NPR2: variants seen among roughly 807,000 people sequenced by gnomAD.
The protein encoded by NPR2 is atrial natriuretic peptide receptor 2.
NPR2 carries 49 observed loss-of-function variants against 120.7 expected under a neutral mutation model. The ratio of observed to expected loss-of-function variants is 0.41; its 90% CI spans 0.32 to 0.52. The LOEUF is 0.52. NPR2 is among the 20% of genes least tolerant of loss of function. NPR2 has a pLI of 0.36. For synonymous variants in NPR2, 484 were observed against 519.8 expected, an observed-to-expected ratio of 0.93 and a Z score of 0.94; for missense variants, 931 against 1,362.9, an observed-to-expected ratio of 0.68 and a Z score of 4.99.
intron 12 of NPR2, among the ~76,000 whole-genome samples, chr9:35,803,451 A>T (rs993292289): frequency 9.9e-5 from 15 of 152,152 alleles, no homozygotes; most frequent in African/African-American, 3.6e-4. Context: ...TACTCTCCGA[A>T]CATATTTATC....
chr9:35,800,965 A>C lies in NPR2; in HGVS notation c.1352-105A>C. The C allele has an allele frequency of 6.5e-7, 1 of 1,535,382 alleles. No individual in the cohort carries two copies. Among genetic ancestry groups the C allele is most frequent in the Non-Finnish European group, 9.0e-7 (1 of 1,108,854 alleles). On this transcript the variant is annotated intron_variant, in intron 6 of 21. Transcript: ENST00000342694. This position sits in a 1 kb window ranked among gnomAD's most constrained non-coding sequence, Gnocchi z 4.7. ...TTTACGTCTGCATCCCTCCCTCCTC[A>C]TTTCTTCCTACTCCCAAGGAGTCTG...
intron 1 of NPR2, 53 bp from the exon 2 acceptor site, chr9:35,793,845 G>A: frequency 1.9e-6 from 3 of 1,564,988 alleles, no homozygotes; most frequent in Non-Finnish European, 2.6e-6. Flanking sequence ...GGGGCTGTGT[G>A]GGGGACCTGG....
chr9:35,799,965 G>C (rs1828082408), intron 3 of NPR2, 57 bp from the exon 4 acceptor site: 2 of 1,608,878 alleles, frequency 1.2e-6, no homozygotes, highest in Non-Finnish European at 1.7e-6. Context: ...ACCCCAGAGA[G>C]AGGGGAAGGG....
Position 35,808,716 on chromosome 9 carries a change from C to T in NPR2, c.2887+33C>T. On this transcript the variant is annotated intron_variant, in intron 19 of 21. Coordinates refer to ENST00000342694, the MANE Select transcript of NPR2 (RefSeq NM_003995.4). This position sits in a 1 kb window ranked among gnomAD's most constrained non-coding sequence, Gnocchi z 4.0. ...TGACTCTCACTCCAGCCCTAGTCTC[C>T]ACCTTTCCCAGACTCTCCCAACCTG... The T allele has an allele frequency of 6.2e-7, 1 of 1,612,586 alleles. No individual in the cohort carries two copies. Among genetic ancestry groups the T allele is most frequent in the South Asian group, 1.1e-5 (1 of 91,056 alleles).
chr9:35,809,634 G>C lies in NPR2; in HGVS notation c.*189G>C. The C allele has an allele frequency of 8.8e-7, 1 of 1,130,626 alleles. No homozygotes were observed. 70.0% of individuals were successfully genotyped at this position (1,130,626 alleles called of 1,614,324 possible). A position where few individuals can be genotyped will look rare whatever the true frequency, so the allele number is the denominator to read the frequency against. On this transcript the variant is annotated 3_prime_UTR_variant, in exon 22 of 22. Coordinates refer to ENST00000342694, the MANE Select transcript of NPR2 (RefSeq NM_003995.4). The surrounding 1 kb of genome is among the most constrained non-coding windows in gnomAD (Gnocchi z 4.1). Reference sequence around the variant, plus strand: ...CTGTACATATACCTGTCCCTCTCTGGCTTGGTCCCCTTCCTCCCTACTTTC... The same window carrying C: ...CTGTACATATACCTGTCCCTCTCTGCCTTGGTCCCCTTCCTCCCTACTTTC...
In NPR2 at chr9:35,809,084, G is replaced by A; in HGVS notation, c.2987-72G>A. The A allele has an allele frequency of 7.2e-7, 1 of 1,383,974 alleles. No homozygotes were observed. The highest frequency in any genetic ancestry group is 1.0e-6 in the Non-Finnish European group (1 of 972,118). The allele number at this position is 1,383,974 out of a possible 1,614,324, so 85.7% of individuals were successfully genotyped here. ...GGTTGGTCGGGCACGGTGCTATACA[G>A]TATCACCAATTATTTGATTGCCTTT... On this transcript the variant is annotated intron_variant, in intron 20 of 21. Coordinates refer to ENST00000342694, the MANE Select transcript of NPR2 (RefSeq NM_003995.4). This position sits in a 1 kb window ranked among gnomAD's most constrained non-coding sequence, Gnocchi z 4.1.
In NPR2 at chr9:35,802,232, G is replaced by A. The variant is rs1312778625; in HGVS notation, c.1659G>A (p.Val553=). ...GAAATGTTGTCGCCATCAAACATGT[G>A]AATAAGAAGCGCATTGAGCTGACCC... ...FKGNVVAIKH[V]NKKRIELTRQ... The change falls in exon 10 of 22, where the codon GTG becomes GTA. Residue 553 remains valine, a synonymous_variant. Transcript: ENST00000342694. The surrounding 1 kb of genome is among the most constrained non-coding windows in gnomAD (Gnocchi z 4.2). The A allele has an allele frequency of 9.9e-6, 16 of 1,609,172 alleles. No individual in the cohort carries two copies. Among genetic ancestry groups the A allele is most frequent in the Non-Finnish European group, 1.4e-5 (16 of 1,175,770 alleles).
Position 35,806,287 on chromosome 9 carries a change from C to T in NPR2, c.2372+54C>T, listed in dbSNP as rs1828379839. On this transcript the variant is annotated intron_variant, in intron 15 of 21. Transcript: ENST00000342694. This position sits in a 1 kb window ranked among gnomAD's most constrained non-coding sequence, Gnocchi z 4.6. ...CCCAGGGATAGAAGACTCATTAGTC[C>T]TAGTGCATGAAGTGGGGCAGGTGGG... 8.7e-6 allele frequency: 14 copies of T among 1,611,450 alleles called. No individual in the cohort carries two copies. Among genetic ancestry groups the T allele is most frequent in the Middle Eastern group, 1.7e-4 (1 of 6,060 alleles).
rs1828220464 is a variant in NPR2, at chr9:35,802,680, G to T, written c.1816-52G>T. 3 of 1,489,088 alleles carry T rather than the reference G, an allele frequency of 2.0e-6. No individual in the cohort carries two copies. The Admixed American group carries it at 5.0e-5, about 25-fold the overall frequency. The allele number at this position is 1,489,088 out of a possible 1,614,324, so 92.2% of individuals were successfully genotyped here. On this transcript the variant is annotated intron_variant, in intron 11 of 21. Transcript: ENST00000342694. The surrounding 1 kb of genome is among the most constrained non-coding windows in gnomAD (Gnocchi z 4.2). ...CCAAAGTTATACTGACTCTATGCTG[G>T]GTGATAGCTGGTGGGACCAGGACAG...
Position 35,792,987 on chromosome 9 carries a change from C to G in NPR2, c.579C>G (p.Gly193=). 6.2e-7 allele frequency: 1 copy of G among 1,613,644 alleles called. No individual in the cohort carries two copies. The highest frequency in any genetic ancestry group is 1.1e-5 in the South Asian group (1 of 91,084). The change falls in exon 1 of 22, where the codon GGC becomes GGG. Residue 193 remains glycine (G), a synonymous_variant. Coordinates refer to ENST00000342694, the MANE Select transcript of NPR2 (RefSeq NM_003995.4). ...AGGGCGTCTTTGAGGCCCTGCAGGG[C>G]AGCAACCTCAGTGTGCAGCACCAGG... is the stretch of plus-strand genomic sequence containing the variant. The part of the protein sequence containing the change: ...TIEGVFEALQ[G]SNLSVQHQVY...
Position 35,800,653 on chromosome 9 carries a change from T to TG in NPR2, c.1219-52dup, listed in dbSNP as rs1828115457. 1 of 1,613,548 alleles carries TG rather than the reference T, an allele frequency of 6.2e-7. No homozygotes were observed. Among genetic ancestry groups the TG allele is most frequent in the African/African-American group, 1.3e-5 (1 of 74,894 alleles). ...GAAAAGCAGCGAAACAGCTGGGGTC[T>TG]GGGGAGGAGGCTGGTGGGAGCAGGC... On this transcript the variant is annotated intron_variant, in intron 5 of 21. Transcript: ENST00000342694. The surrounding 1 kb of genome is among the most constrained non-coding windows in gnomAD (Gnocchi z 4.7).
At position 35,806,614 on chromosome 9, in the gene NPR2, G is replaced by A. The variant is rs982093302; in HGVS notation, c.2519+76G>A. 1.4e-5 allele frequency: 21 copies of A among 1,539,066 alleles called. No homozygotes were observed. The South Asian group carries it at 2.1e-4, about 16-fold the overall frequency. ...GGGCTCTGCCTCATCAGGCACCTGAGAACTCGCCTCCCCACCCTCAGAACC... is the reference window on the plus strand; with the variant it reads ...GGGCTCTGCCTCATCAGGCACCTGAAAACTCGCCTCCCCACCCTCAGAACC... On this transcript the variant is annotated intron_variant, in intron 16 of 21. Transcript: ENST00000342694. This position sits in a 1 kb window ranked among gnomAD's most constrained non-coding sequence, Gnocchi z 4.6.
At chr9:35,793,234 A>T (rs1827843535) in intron 1 of NPR2, among the ~76,000 whole-genome samples, 159 bp downstream of exon 1, 1 of 152,202 alleles carries the variant, frequency 6.6e-6, no homozygotes, top group Non-Finnish European at 1.5e-5. Flanking sequence ...TGAGAGGGCC[A>T]AGGCTTCATC....
Position 35,802,688 on chromosome 9 carries a change from C to A in NPR2, c.1816-44C>A, listed in dbSNP as rs758581122. ...ATACTGACTCTATGCTGGGTGATAG[C>A]TGGTGGGACCAGGACAGACAGTCTA... On this transcript the variant is annotated intron_variant, in intron 11 of 21. Transcript: ENST00000342694. The surrounding 1 kb of genome is among the most constrained non-coding windows in gnomAD (Gnocchi z 4.2). The A allele has an allele frequency of 1.5e-5, 22 of 1,515,230 alleles. No individual in the cohort carries two copies. The East Asian group carries it at 4.7e-4, about 33-fold the overall frequency. 93.9% of individuals were successfully genotyped at this position (1,515,230 alleles called of 1,614,324 possible).
At chr9:35,807,471 C>A (rs1828463351) in intron 18 of NPR2, 73 bp downstream of exon 18, 1 of 1,177,536 alleles carries the variant, frequency 8.5e-7, no homozygotes, top group South Asian at 1.2e-5. Flanking sequence ...TCTCCCTGAA[C>A]CCCACACACC....
At position 35,805,985 on chromosome 9, in the gene NPR2, G is replaced by A; in HGVS notation, c.2203G>A (p.Glu735Lys). The A allele has an allele frequency of 1.2e-6, 2 of 1,614,226 alleles. No homozygotes were observed. The highest frequency in any genetic ancestry group is 1.7e-6 in the Non-Finnish European group (2 of 1,180,038). The change falls in exon 14 of 22, where the codon GAG (glutamate) becomes AAG (lysine). Residue 735 changes from glutamate to lysine, a missense_variant and splice_region_variant. This residue lies in a region of NPR2 where 681 missense variants were observed against 974.3 expected (regional missense o/e 0.70). Transcript: ENST00000342694. This position sits in a 1 kb window ranked among gnomAD's most constrained non-coding sequence, Gnocchi z 4.9. ...GGAGGGCCTGGACCTCAGCCCCAAA[G>A]GTAAGAGTCAATCCACTACCCACAG... ...YLEGLDLSPKEIVQKVRNGQR... is the reference protein window; with the variant it reads ...YLEGLDLSPKKIVQKVRNGQR...
In NPR2 at chr9:35,808,325, C is replaced by T; in HGVS notation, c.2713-184C>T. On this transcript the variant is annotated intron_variant, in intron 18 of 21. Coordinates refer to ENST00000342694, the MANE Select transcript of NPR2 (RefSeq NM_003995.4). The surrounding 1 kb of genome is among the most constrained non-coding windows in gnomAD (Gnocchi z 4.0). Reference sequence around the variant, plus strand: ...CCAGGTGCTGGGTGGAGAAAGAAGACTTAAAGATTCCCTAGACATCTCCTC... The same window carrying T: ...CCAGGTGCTGGGTGGAGAAAGAAGATTTAAAGATTCCCTAGACATCTCCTC... 1 of 1,570,386 alleles carries T rather than the reference C, an allele frequency of 6.4e-7. No individual in the cohort carries two copies. Among genetic ancestry groups the T allele is most frequent in the South Asian group, 1.1e-5 (1 of 90,152 alleles).
chr9:35,806,652 G>A lies in NPR2; in HGVS notation c.2519+114G>A. ...CACCCTCAGAACCCTGCTGGCCACAGGGAGCACCCCTGCTTATAGATTATT... is the reference window on the plus strand; with the variant it reads ...CACCCTCAGAACCCTGCTGGCCACAAGGAGCACCCCTGCTTATAGATTATT... On this transcript the variant is annotated intron_variant, in intron 16 of 21. Coordinates refer to ENST00000342694, the MANE Select transcript of NPR2 (RefSeq NM_003995.4). This position sits in a 1 kb window ranked among gnomAD's most constrained non-coding sequence, Gnocchi z 4.6. 8.9e-7 allele frequency: 1 copy of A among 1,127,866 alleles called. No individual in the cohort carries two copies. The highest frequency in any genetic ancestry group is 2.4e-5 in the East Asian group (1 of 42,478). The allele number at this position is 1,127,866 out of a possible 1,614,324, so 69.9% of individuals were successfully genotyped here. A position where few individuals can be genotyped will look rare whatever the true frequency, so the allele number is the denominator to read the frequency against.
At chr9:35,804,705 C>T (rs1828300532) in intron 12 of NPR2, among the ~76,000 whole-genome samples, 1 of 152,086 alleles carries the variant, frequency 6.6e-6, no homozygotes, top group Admixed American at 6.6e-5. Context: ...TCTTGTTCCT[C>T]CTCTACCCCG....
Sources: allele counts gnomAD v4.1 joint callset (sites outside exome capture counted in the v4.1 genomes callset), GRCh38; gene constraint gnomAD v4.1.1; regional missense constraint gnomAD v4.1.1; non-coding constraint Gnocchi (gnomAD v3.1); transcripts MANE v1.5; gene names NCBI Gene and HGNC (gene_info 2026-07-23, HGNC 2026-07-21).